Variants in RUNX1 observed in about 807,000 individuals in gnomAD.
The protein encoded by RUNX1 is RUNX family transcription factor 1.
In RUNX1, 19 loss-of-function variants were observed where a neutral mutation model predicts 42.8. That is an observed-to-expected ratio of 0.44 (90% CI 0.31 to 0.65). The LOEUF is 0.65. RUNX1 is among the 30% of genes least tolerant of loss of function. The probability of loss-of-function intolerance (pLI) is 0.07; values close to 1 mark genes in which losing one functional copy is unlikely to be tolerated. For synonymous variants in RUNX1, 271 were observed against 289.4 expected (o/e 0.94, Z 0.64); for missense variants, 528 against 672.0 (o/e 0.79, Z 2.37).
intron 6 of RUNX1, among the ~76,000 whole-genome samples, chr21:34,848,398 A>C (rs1026920767): frequency 6.6e-6 from 1 of 152,192 alleles, no homozygotes; most frequent in Non-Finnish European, 1.5e-5. Context: ...TGAAGCTCCA[A>C]ACTCCTTTCT....
intron 2 of RUNX1, among the ~76,000 whole-genome samples, chr21:34,924,256 T>C (rs1290642552): frequency 6.6e-6 from 1 of 152,216 alleles, no homozygotes; most frequent in Non-Finnish European, 1.5e-5. Flanking sequence ...TCATCTTTGA[T>C]GACCACTTGC....
At chr21:35,031,270 C>G (rs756624717) in intron 2 of RUNX1, among the ~76,000 whole-genome samples, 4 of 152,216 alleles carry the variant, frequency 2.6e-5, no homozygotes, top group Non-Finnish European at 4.4e-5. Context: ...ATTGCTTGAA[C>G]CTAAGAGGCA....
chr21:35,021,784 G>A (rs1167725733), intron 2 of RUNX1, among the ~76,000 whole-genome samples: 1 of 152,160 alleles, frequency 6.6e-6, no homozygotes, highest in Non-Finnish European at 1.5e-5. Flanking sequence ...CCTGCCTCAG[G>A]CCTCATCCAG....
rs903296148 is a variant in RUNX1 at position 34,881,439 on chromosome 21, GA to G, written c.352-727del. On this transcript the variant is annotated intron_variant, in intron 4 of 8. Coordinates refer to ENST00000675419, the MANE Select transcript of RUNX1 (RefSeq NM_001754.5). ...ACTAGCAATGAATTCTAGCACACAA[GA>G]AAAAAAAATCAGAAATGCACCCTTC... Among the ~76,000 whole-genome samples, 9 of 151,256 alleles carry G rather than the reference GA, an allele frequency of 6.0e-5. No homozygotes were observed. The South Asian group carries it at 6.2e-4, about 10-fold the overall frequency.
intron 5 of RUNX1, among the ~76,000 whole-genome samples, chr21:34,874,443 C>T (rs550392258): frequency 1.7e-4 from 26 of 151,382 alleles, no homozygotes; most frequent in African/African-American, 6.3e-4. Context: ...AACCTCGTCT[C>T]TACTAAAAAT....
chr21:35,022,851 C>T (rs945294729), intron 2 of RUNX1, among the ~76,000 whole-genome samples: 22 of 150,212 alleles, frequency 1.5e-4, no homozygotes, highest in Admixed American at 4.6e-4. Context: ...GCCGAGATCG[C>T]GCCAGTGCAC....
intron 5 of RUNX1, among the ~76,000 whole-genome samples, chr21:34,863,578 G>A (rs1425032448): frequency 1.8e-5 from 2 of 109,852 alleles, no homozygotes; most frequent in Admixed American, 2.2e-4. Flanking sequence ...TTTTTGAGAT[G>A]GAGTCTTGCA....
At chr21:34,971,253 T>C (rs948132129) in intron 2 of RUNX1, among the ~76,000 whole-genome samples, 2 of 152,326 alleles carry the variant, frequency 1.3e-5, no homozygotes, top group African/African-American at 4.8e-5. Flanking sequence ...ACACAGTAGC[T>C]GCCAATGAAG....
At chr21:35,005,821 T>TAC (rs1422917173) in intron 2 of RUNX1, among the ~76,000 whole-genome samples, 1 of 152,136 alleles carries the variant, frequency 6.6e-6, no homozygotes, top group Non-Finnish European at 1.5e-5. Context: ...CAGTGTCAGG[T>TAC]GAGTATGGGG....
chr21:35,005,098 T>C (rs372291266), intron 2 of RUNX1, among the ~76,000 whole-genome samples: 68 of 152,298 alleles, frequency 4.5e-4, no homozygotes, highest in Middle Eastern at 6.8e-3. Context: ...GTAGATTTTA[T>C]TGATGTATTC....
chr21:34,828,157 T>TG (rs2057014974), intron 7 of RUNX1, among the ~76,000 whole-genome samples: 1 of 152,210 alleles, frequency 6.6e-6, no homozygotes, highest in African/African-American at 2.4e-5. Context: ...CCCAAGGCCT[T>TG]GGGGGCCTAG....
chr21:34,970,748 T>C (rs988519815), intron 2 of RUNX1, among the ~76,000 whole-genome samples: 2 of 152,260 alleles, frequency 1.3e-5, no homozygotes, highest in African/African-American at 2.4e-5. Context: ...TGGACTATGA[T>C]GGACCCACTG....
chr21:34,821,199 T>G, intron 7 of RUNX1: 1 of 1,022,632 alleles, frequency 9.8e-7, no homozygotes, highest in Non-Finnish European at 1.2e-6. Context: ...AGAGTAGCTG[T>G]GTGACTTGGA....
At chr21:35,038,464 C>A (rs1232337290) in intron 2 of RUNX1, 1 of 453,936 alleles carries the variant, frequency 2.2e-6, no homozygotes, top group Non-Finnish European at 4.4e-6. Flanking sequence ...TGAGCAGAGA[C>A]ATGACAGCAG....
At position 34,801,284 on chromosome 21, in the gene RUNX1, C is replaced by A. The variant is rs540704872; in HGVS notation, c.806-1822G>T. On this transcript the variant is annotated intron_variant, in intron 7 of 8. Coordinates refer to ENST00000675419, the MANE Select transcript of RUNX1 (RefSeq NM_001754.5). Reference sequence around the variant, plus strand: ...GTGTGAACTGCAGTACAGTAATTCACGCCTTGTTGTGTAGACAGCCTCACA... The same window carrying A: ...GTGTGAACTGCAGTACAGTAATTCAAGCCTTGTTGTGTAGACAGCCTCACA... 1.8e-4 allele frequency among the ~76,000 whole-genome samples: 28 copies of A among 152,192 alleles called. No homozygotes were observed. The East Asian group carries it at 5.2e-3, about 28-fold the overall frequency.
chr21:34,797,484 A>C (rs1457544527), intron 8 of RUNX1, among the ~76,000 whole-genome samples: 1 of 152,234 alleles, frequency 6.6e-6, no homozygotes, highest in African/African-American at 2.4e-5. Context: ...GACCAAGTCA[A>C]AAGACTTATG....
chr21:34,808,042 A>G (rs2056705367), intron 7 of RUNX1, among the ~76,000 whole-genome samples: 1 of 152,230 alleles, frequency 6.6e-6, no homozygotes, highest in Admixed American at 6.5e-5. Context: ...AGGTACCCCC[A>G]GGTAGCAGAC....
At chr21:34,915,375 G>C (rs1226924282) in intron 2 of RUNX1, among the ~76,000 whole-genome samples, 2 of 152,198 alleles carry the variant, frequency 1.3e-5, no homozygotes, top group Non-Finnish European at 2.9e-5. Flanking sequence ...CACAGGTAAA[G>C]TCAAGCTCAT....
chr21:35,021,726 A>T (rs2059199810), intron 2 of RUNX1, among the ~76,000 whole-genome samples: 1 of 152,164 alleles, frequency 6.6e-6, no homozygotes, highest in Non-Finnish European at 1.5e-5. Context: ...CGCTGACCTC[A>T]TCTCTGCTGA....
Sources: gnomAD v4.1 joint callset for allele counts (sites outside exome capture counted in the v4.1 genomes callset) on GRCh38, gnomAD v4.1.1 for gene constraint, MANE v1.5 for transcripts, NCBI Gene and HGNC (gene_info 2026-07-23, HGNC 2026-07-21) for gene names.